Variants in FRMPD4 observed in about 807,000 individuals in gnomAD.
FRMPD4 encodes FERM and PDZ domain-containing protein 4.
A neutral mutation model predicts 94.1 loss-of-function variants in FRMPD4; 22 were observed. The observed-to-expected ratio is 0.23, with a 90% CI of 0.17 to 0.33. The LOEUF (loss-of-function observed/expected upper bound fraction) is 0.33. Ranked by LOEUF, FRMPD4 falls within the 10% of genes least tolerant of loss-of-function variation. The probability of loss-of-function intolerance (pLI) is 1.00; values close to 1 mark genes in which losing one functional copy is unlikely to be tolerated. For missense variants in FRMPD4, 1,111 were observed against 1,339.9 expected, an observed-to-expected ratio of 0.83 and a Z score of 2.67; for synonymous variants, 631 against 548.6, an observed-to-expected ratio of 1.15 and a Z score of -2.10.
rs140732308 is a variant in FRMPD4, at chrX:12,195,449, G to A, written c.41+56437G>A. On this transcript the variant is annotated intron_variant, in intron 1 of 16. Coordinates refer to ENST00000675598, the MANE Select transcript of FRMPD4 (RefSeq NM_001368397.1). ...GGAGGAATCCATGCACAGGCTTGCC[G>A]TGTTTGTCCCTGGATGAGGCCACAT... 4.4e-3 allele frequency among the ~76,000 whole-genome samples: 498 copies of A among 112,201 alleles called. 4 individuals are homozygous for A. The highest frequency in any genetic ancestry group is 0.015 in the African/African-American group (472 of 30,914).
intron 1 of FRMPD4, among the ~76,000 whole-genome samples, chrX:12,158,379 T>C (rs2055969702): frequency 8.9e-6 from 1 of 112,035 alleles, no homozygotes; most frequent in South Asian, 3.7e-4. Context: ...CTTCTGTCCT[T>C]ACACCAGTAA....
chrX:12,624,230 A>G (rs926021995), intron 4 of FRMPD4, among the ~76,000 whole-genome samples: 2 of 112,588 alleles, frequency 1.8e-5, no homozygotes, highest in Admixed American at 9.4e-5. Context: ...AGTTAAATTC[A>G]GAGTACTCTA....
chrX:11,983,650 C>A (rs2054409351), intron 3 of FRMPD4, among the ~76,000 whole-genome samples: 1 of 111,680 alleles, frequency 9.0e-6, no homozygotes, highest in Non-Finnish European at 1.9e-5. Flanking sequence ...CTTCCTTCCC[C>A]TCCTACTCTG....
chrX:12,603,265 G>A (rs756351247), intron 2 of FRMPD4, among the ~76,000 whole-genome samples: 1 of 112,132 alleles, frequency 8.9e-6, no homozygotes, highest in Non-Finnish European at 1.9e-5. Flanking sequence ...CAAAGGTAAC[G>A]GCTTCTAAAT....
intron 2 of FRMPD4, among the ~76,000 whole-genome samples, chrX:11,867,925 A>T (rs1260025321): frequency 8.9e-6 from 1 of 112,125 alleles, no homozygotes; most frequent in Non-Finnish European, 1.9e-5. Flanking sequence ...CTTATCCCAA[A>T]AGACAACCTC....
chrX:12,431,922 T>G (rs1471006883), intron 1 of FRMPD4, among the ~76,000 whole-genome samples: 1 of 112,062 alleles, frequency 8.9e-6, no homozygotes, highest in Non-Finnish European at 1.9e-5. Flanking sequence ...AGGACTCAAA[T>G]TCTGCCAAGG....
intron 3 of FRMPD4, among the ~76,000 whole-genome samples, chrX:12,095,816 C>G (rs761407754): frequency 8.9e-6 from 1 of 112,462 alleles, no homozygotes; most frequent in Non-Finnish European, 1.9e-5. Flanking sequence ...CATGACAACA[C>G]TTCAACCACA....
chrX:11,873,994 C>T (rs765544684), intron 2 of FRMPD4, among the ~76,000 whole-genome samples: 17 of 110,810 alleles, frequency 1.5e-4, no homozygotes, highest in South Asian at 3.9e-4. Context: ...TGCAGTGAGC[C>T]GAGATCGCAC....
intron 1 of FRMPD4, among the ~76,000 whole-genome samples, chrX:12,390,302 G>A (rs2056457768): frequency 8.9e-6 from 1 of 112,469 alleles, no homozygotes. Context: ...TAATTTGTAA[G>A]TATTGCAGAT....
intron 2 of FRMPD4, among the ~76,000 whole-genome samples, chrX:12,605,274 G>A (rs968448703): frequency 5.3e-5 from 6 of 112,412 alleles, no homozygotes; most frequent in African/African-American, 1.3e-4. Flanking sequence ...CACGAGAACT[G>A]CATGCTCATA....
At chrX:12,521,505 C>T (rs1249642889) in intron 2 of FRMPD4, among the ~76,000 whole-genome samples, 1 of 112,232 alleles carries the variant, frequency 8.9e-6, no homozygotes, top group Non-Finnish European at 1.9e-5. Flanking sequence ...AATTCTCCTC[C>T]TCCACCATTA....
At chrX:12,187,127 C>T (rs1051831656) in intron 1 of FRMPD4, among the ~76,000 whole-genome samples, 7 of 111,485 alleles carry the variant, frequency 6.3e-5, no homozygotes, top group African/African-American at 2.0e-4. Context: ...ATACTAACCA[C>T]GTAATAATAA....
At chrX:12,510,901 C>G (rs1449336091) in intron 2 of FRMPD4, among the ~76,000 whole-genome samples, 2 of 111,577 alleles carry the variant, frequency 1.8e-5, no homozygotes, top group Admixed American at 1.9e-4. Flanking sequence ...GCACTGGTGG[C>G]CTTCTTTGGA....
intron 3 of FRMPD4, among the ~76,000 whole-genome samples, chrX:11,959,629 G>T (rs1447643816): frequency 8.9e-6 from 1 of 111,774 alleles, no homozygotes; most frequent in African/African-American, 3.3e-5. Flanking sequence ...AAGGACAGCA[G>T]TCAGGTGGTT....
chrX:12,574,152 C>T (rs185072863), intron 2 of FRMPD4, among the ~76,000 whole-genome samples: 2,184 of 111,408 alleles, frequency 0.02, 55 homozygotes, highest in African/African-American at 0.068. Flanking sequence ...AGGCATGTGC[C>T]GCCATACCCA....
intron 2 of FRMPD4, among the ~76,000 whole-genome samples, chrX:12,546,479 T>C (rs2058477587): frequency 8.9e-6 from 1 of 112,404 alleles, no homozygotes; most frequent in African/African-American, 3.2e-5. Context: ...TGCCTGGCCT[T>C]GCCAATTGTC....
In FRMPD4 at chrX:12,312,836, A is replaced by G. The variant is rs147870279; in HGVS notation, c.41+173824A>G. 4.7e-3 allele frequency among the ~76,000 whole-genome samples: 521 copies of G among 110,742 alleles called. 3 individuals carry two copies. Among genetic ancestry groups the G allele is most frequent in the African/African-American group, 0.016 (492 of 30,485 alleles). On this transcript the variant is annotated intron_variant, in intron 1 of 16. Coordinates refer to ENST00000675598, the MANE Select transcript of FRMPD4 (RefSeq NM_001368397.1). ...TGGGATTCCTCTGCAAATTGACACC[A>G]TTCCCTGCCCTCACTACAGAGTAGA... is the stretch of plus-strand genomic sequence containing the variant.
chrX:11,855,717 T>A (rs1360107596), intron 1 of FRMPD4, among the ~76,000 whole-genome samples: 3 of 112,380 alleles, frequency 2.7e-5, no homozygotes, highest in Middle Eastern at 4.6e-3. Context: ...GTCAAAGGCA[T>A]TCAACAAGTA....
chrX:12,513,982 G>A lies in FRMPD4; in HGVS notation c.158+15186G>A, dbSNP rs368422286. 5.4e-5 allele frequency among the ~76,000 whole-genome samples: 6 copies of A among 111,229 alleles called. 1 individual carries two copies. The East Asian group carries it at 1.7e-3, about 32-fold the overall frequency. On this transcript the variant is annotated intron_variant, in intron 2 of 16. Coordinates refer to ENST00000675598, the MANE Select transcript of FRMPD4 (RefSeq NM_001368397.1). ...GTGTTTTATTCTCTTTGTAGCAATC[G>A]TGAATGGGACTTCATTCATGGTTTG...
Sources: allele counts gnomAD v4.1 joint callset (sites outside exome capture counted in the v4.1 genomes callset), GRCh38; gene constraint gnomAD v4.1.1; transcripts MANE v1.5; gene names NCBI Gene and HGNC (gene_info 2026-07-23, HGNC 2026-07-21).